The following C1orf185 variants were observed in gnomAD, a reference collection of about 807,000 sequenced individuals.
C1orf185 encodes the protein uncharacterized protein C1orf185.
C1orf185 carries 13 observed loss-of-function variants against 16.1 expected under a neutral mutation model. The observed-to-expected ratio is 0.81, with a 90% CI of 0.53 to 1.28. The LOEUF (loss-of-function observed/expected upper bound fraction) is 1.28, where lower values mean the gene tolerates loss of function less well. Among genes scored for constraint, C1orf185 ranks in the 50% most tolerant of loss-of-function variants. The pLI, the probability that C1orf185 is intolerant of heterozygous loss-of-function variation, is 0.00. For missense variants in C1orf185, 220 were observed against 225.2 expected (o/e 0.98, Z 0.15); for synonymous variants, 80 against 76.9 (o/e 1.04, Z -0.21).
At chr1:51,104,404 C>T (rs1351172680) in intron 1 of C1orf185, among the ~76,000 whole-genome samples, 2 of 152,052 alleles carry the variant, frequency 1.3e-5, no homozygotes, top group Non-Finnish European at 2.9e-5. Context: ...ATATATAACA[C>T]ATAAATATAT....
chr1:51,110,852 C>T (rs997511480), intron 1 of C1orf185, among the ~76,000 whole-genome samples: 11 of 152,062 alleles, frequency 7.2e-5, no homozygotes, highest in African/African-American at 2.4e-4. Context: ...ACCTGTAGTC[C>T]CAGCTACTTG....
chr1:51,120,872 C>A (rs913160216), intron 3 of C1orf185, among the ~76,000 whole-genome samples: 7 of 151,990 alleles, frequency 4.6e-5, no homozygotes, highest in African/African-American at 1.7e-4. Flanking sequence ...TTGGAGATGA[C>A]CAAGGGAGAT....
At chr1:51,146,377 T>C (rs2148034703) in intron 4 of C1orf185, among the ~76,000 whole-genome samples, 1 of 151,016 alleles carries the variant, frequency 6.6e-6, no homozygotes, top group East Asian at 2.0e-4. Context: ...GAGAATCTCT[T>C]GAACCCAGGA....
At chr1:51,119,371 A>G (rs1194639007) in intron 3 of C1orf185, among the ~76,000 whole-genome samples, 1 of 152,242 alleles carries the variant, frequency 6.6e-6, no homozygotes, top group Non-Finnish European at 1.5e-5. Context: ...GACTAAAACT[A>G]CAATAGCTAA....
intron 1 of C1orf185, among the ~76,000 whole-genome samples, chr1:51,106,760 A>ATT (rs1188472569): frequency 0.087 from 12,215 of 140,532 alleles, 851 homozygotes; most frequent in African/African-American, 0.18. Context: ...CAGATCTGTA[A>ATT]TTTTTTTTTT....
At chr1:51,121,858 A>G (rs1474553455) in intron 3 of C1orf185, among the ~76,000 whole-genome samples, 1 of 152,270 alleles carries the variant, frequency 6.6e-6, no homozygotes, top group East Asian at 1.9e-4. Context: ...GAATGTTACC[A>G]GTACCTTTGA....
intron 3 of C1orf185, among the ~76,000 whole-genome samples, chr1:51,142,933 T>G (rs2148032639): frequency 1.3e-5 from 2 of 152,174 alleles, no homozygotes; most frequent in Admixed American, 1.3e-4. Context: ...CTGGCTAATT[T>G]TTGTATTTTT....
At position 51,126,983 on chromosome 1, in the gene C1orf185, A is replaced by ATT. The variant is rs149976541; in HGVS notation, c.258+8191_258+8192dup. Among the ~76,000 whole-genome samples, 48 of 147,198 alleles carry ATT rather than the reference A, an allele frequency of 3.3e-4. No individual in the cohort carries two copies. In the South Asian group the frequency reaches 9.1e-3, roughly 28 times the overall value. ...AATGTCCCTCAATTGGGGTTTGTTT[A>ATT]TTTTTTTTTTCATTATTTATAACTT... On this transcript the variant is annotated intron_variant, in intron 3 of 4. Transcript: ENST00000371759.
At chr1:51,107,641 T>C (rs979629473) in intron 1 of C1orf185, among the ~76,000 whole-genome samples, 2 of 152,184 alleles carry the variant, frequency 1.3e-5, no homozygotes, top group Non-Finnish European at 2.9e-5. Flanking sequence ...TGATAAGTCA[T>C]AAGTGGTAAG....
At chr1:51,113,362 TATTA>T (rs1281029162) in intron 2 of C1orf185, among the ~76,000 whole-genome samples, 3 of 151,710 alleles carry the variant, frequency 2.0e-5, no homozygotes, top group Non-Finnish European at 4.4e-5. Flanking sequence ...TGTTTCTAAT[TATTA>T]ATTATTAATA....
At chr1:51,110,894 A>G (rs1646111917) in intron 1 of C1orf185, among the ~76,000 whole-genome samples, 1 of 149,382 alleles carries the variant, frequency 6.7e-6, no homozygotes, top group Admixed American at 6.7e-5. Flanking sequence ...GCTTGAACCC[A>G]GGAGTCGGAG....
chr1:51,144,618 CAGG>C (rs988302933), intron 3 of C1orf185, among the ~76,000 whole-genome samples: 9 of 152,102 alleles, frequency 5.9e-5, no homozygotes, highest in African/African-American at 2.2e-4. Context: ...GAGGCTGAGG[CAGG>C]AGGATCACTT....
At chr1:51,118,591 T>C (rs1646174480) in intron 2 of C1orf185, 75 bp from the exon 3 acceptor site, 1 of 916,406 alleles carries the variant, frequency 1.1e-6, no homozygotes, top group Non-Finnish European at 1.5e-6. Flanking sequence ...TATGTATAAA[T>C]ATTGGAAATA....
chr1:51,119,931 A>G (rs186272628), intron 3 of C1orf185, among the ~76,000 whole-genome samples: 98 of 152,312 alleles, frequency 6.4e-4, no homozygotes, highest in African/African-American at 2.2e-3. Flanking sequence ...TACATAAACT[A>G]AATAAGTACA....
chr1:51,130,814 A>G (rs1336423461), intron 3 of C1orf185, among the ~76,000 whole-genome samples: 1 of 152,188 alleles, frequency 6.6e-6, no homozygotes, highest in Admixed American at 6.5e-5. Context: ...AGGAAGTATG[A>G]GCCTTCCAGT....
At chr1:51,150,195 C>CT (rs758936836), downstream of C1orf185, among the ~76,000 whole-genome samples, 10,521 of 142,220 alleles carry the variant, frequency 0.074, 571 homozygotes, top group African/African-American at 0.14. Context: ...GAATGTCTTT[C>CT]TTTTTTTTTT....
chr1:51,137,340 C>G lies in C1orf185; in HGVS notation c.259-8384C>G, dbSNP rs188912251. On this transcript the variant is annotated intron_variant, in intron 3 of 4. Transcript: ENST00000371759. ...TTGAGATCAGGAGTTAGAGACCAGT[C>G]TGGCCAACATGACAAAACCCCATCT... Among the ~76,000 whole-genome samples the G allele has an allele frequency of 2.1e-3, 320 of 151,990 alleles. 2 individuals are homozygous for G. The highest frequency in any genetic ancestry group is 6.8e-3 in the Middle Eastern group (2 of 292).
At chr1:51,144,194 A>T (rs1206876432) in intron 3 of C1orf185, among the ~76,000 whole-genome samples, 1 of 152,180 alleles carries the variant, frequency 6.6e-6, no homozygotes, top group Non-Finnish European at 1.5e-5. Flanking sequence ...AGGCGAGCCT[A>T]TTAGAAATGC....
At chr1:51,134,509 A>G (rs1198963890) in intron 3 of C1orf185, among the ~76,000 whole-genome samples, 3 of 76,636 alleles carry the variant, frequency 3.9e-5, no homozygotes, top group African/African-American at 1.6e-4. Flanking sequence ...CTGAAGGAGA[A>G]TGAGACACAC....
Sources: allele counts gnomAD v4.1 joint callset (sites outside exome capture counted in the v4.1 genomes callset), GRCh38; gene constraint gnomAD v4.1.1; transcripts MANE v1.5; gene names NCBI Gene and HGNC (gene_info 2026-07-23, HGNC 2026-07-21).